Variants in DOCK9 observed in about 807,000 individuals in gnomAD.
DOCK9 encodes dedicator of cytokinesis protein 9.
Under a neutral mutation model 263.3 loss-of-function variants are expected in DOCK9, and 89 were observed. The observed-to-expected ratio is 0.34, with a 90% CI of 0.28 to 0.40. The LOEUF is 0.40. Ranked by LOEUF, DOCK9 falls within the 10% of genes least tolerant of loss-of-function variation. DOCK9 has a pLI of 1.00. For missense variants in DOCK9, 2,140 were observed against 2,603.4 expected (o/e 0.82, Z 3.87); for synonymous variants, 976 against 973.1 (o/e 1.00, Z -0.06).
At position 98,800,393 on chromosome 13, in the gene DOCK9, A is replaced by G; in HGVS notation, c.5811T>C (p.Ile1937=). ...CCGCCACCTTCTTACTCATCTCGTC[A>G]ATGGCCACCTCGATGGGGTTCAGGT... The part of the protein sequence containing the change: ...HTDLNPIEVA[I]DEMSKKVAEL... Residue 1937 remains isoleucine (I), a synonymous_variant, in exon 50 of 53, where the codon ATT becomes ATC. Coordinates refer to ENST00000682017, the MANE Select transcript of DOCK9 (RefSeq NM_001366683.2). 3 of 1,613,914 alleles carry G rather than the reference A, an allele frequency of 1.9e-6. No homozygotes were observed. Among genetic ancestry groups the G allele is most frequent in the Non-Finnish European group, 2.5e-6 (3 of 1,179,868 alleles).
upstream of DOCK9, among the ~76,000 whole-genome samples, chr13:98,979,567 G>A (rs1876584923): frequency 6.6e-6 from 1 of 152,068 alleles, no homozygotes; most frequent in African/African-American, 2.4e-5. Context: ...TATCAATTAT[G>A]TAACGATCTC....
intron 3 of DOCK9, among the ~76,000 whole-genome samples, chr13:98,927,606 C>T (rs2053189907): frequency 7.1e-6 from 1 of 140,866 alleles, no homozygotes; most frequent in African/African-American, 2.7e-5. Context: ...ATGAATGGAG[C>T]CCAGATTTTT....
intron 1 of DOCK9, among the ~76,000 whole-genome samples, chr13:99,047,336 G>A (rs539778290): frequency 1.4e-4 from 21 of 152,168 alleles, no homozygotes; most frequent in Non-Finnish European, 2.2e-4. Context: ...AGCTGCCATC[G>A]CAGCACATAA....
At position 98,895,054 on chromosome 13, in the gene DOCK9, G is replaced by A. The variant is rs189890430; in HGVS notation, c.1709+2434C>T. On this transcript the variant is annotated intron_variant, in intron 15 of 52. Coordinates refer to ENST00000682017, the MANE Select transcript of DOCK9 (RefSeq NM_001366683.2). ...CCAGCTACTCAGGAGGCTGAGGCAG[G>A]AGAATTGCTTGAACCTGGGAGGCGG... Among the ~76,000 whole-genome samples the A allele has an allele frequency of 3.9e-3, 582 of 150,954 alleles. 15 individuals are homozygous for A. The highest frequency in any genetic ancestry group is 2.3e-3 in the East Asian group (12 of 5,146).
chr13:98,851,723 T>C (rs2093578034), intron 35 of DOCK9, among the ~76,000 whole-genome samples: 1 of 152,166 alleles, frequency 6.6e-6, no homozygotes, highest in South Asian at 2.1e-4. Flanking sequence ...GTGTTAACCA[T>C]CTCTGGAGGC....
chr13:98,881,442 G>T, intron 25 of DOCK9, 116 bp downstream of exon 25: 1 of 789,916 alleles, frequency 1.3e-6, no homozygotes, highest in Non-Finnish European at 2.0e-6. Flanking sequence ...AAATAGAAGA[G>T]AAAGCATACG....
At position 98,805,061 on chromosome 13, in the gene DOCK9, G is replaced by C; in HGVS notation, c.5663C>G (p.Thr1888Arg). 1 of 1,612,026 alleles carries C rather than the reference G, an allele frequency of 6.2e-7. No homozygotes were observed. Among genetic ancestry groups the C allele is most frequent in the Non-Finnish European group, 8.5e-7 (1 of 1,179,032 alleles). ...IRRFMFEMPF[T>R]QTGKRQGGVE... ...CCCGCCCTGCCTCTTCCCGGTCTGCGTAAATGGCATCTCAAACATGAAGCG... is the reference window on the plus strand; with the variant it reads ...CCCGCCCTGCCTCTTCCCGGTCTGCCTAAATGGCATCTCAAACATGAAGCG... The change falls in exon 49 of 53, where the codon ACG (threonine) becomes AGG (arginine). Residue 1888 changes from threonine to arginine, a missense_variant. This residue lies in a region of DOCK9 where 619 missense variants were observed against 861.8 expected (regional missense o/e 0.72). Coordinates refer to ENST00000682017, the MANE Select transcript of DOCK9 (RefSeq NM_001366683.2).
At chr13:99,051,747 T>C (rs1311668698) in intron 1 of DOCK9, among the ~76,000 whole-genome samples, 2 of 149,694 alleles carry the variant, frequency 1.3e-5, no homozygotes, top group Non-Finnish European at 3.0e-5. Flanking sequence ...CAGACAAAAG[T>C]GGTCCCAATT....
At chr13:98,879,991 C>T in intron 26 of DOCK9, 22 bp from the exon 27 acceptor site, 1 of 1,575,766 alleles carries the variant, frequency 6.3e-7, no homozygotes, top group Non-Finnish European at 8.6e-7. Context: ...AAGAACAGGA[C>T]CCAGTAAGAA....
chr13:98,997,759 C>G (rs1271355754), intron 1 of DOCK9, among the ~76,000 whole-genome samples: 1 of 152,180 alleles, frequency 6.6e-6, no homozygotes, highest in African/African-American at 2.4e-5. Context: ...TCCAGTCACC[C>G]CCTGACTTTG....
At chr13:98,988,348 A>C (rs1450469664) in intron 1 of DOCK9, among the ~76,000 whole-genome samples, 1 of 152,254 alleles carries the variant, frequency 6.6e-6, no homozygotes, top group Non-Finnish European at 1.5e-5. Flanking sequence ...AAAACTTGAA[A>C]TAAAGATAGG....
chr13:98,964,093 A>T (rs1280177099), intron 1 of DOCK9, among the ~76,000 whole-genome samples: 1 of 152,232 alleles, frequency 6.6e-6, no homozygotes, highest in Non-Finnish European at 1.5e-5. Context: ...ACTGTGCCAG[A>T]GACATCAAGA....
chr13:98,986,792 A>C (rs956825860), intron 1 of DOCK9, among the ~76,000 whole-genome samples: 1 of 152,178 alleles, frequency 6.6e-6, no homozygotes, highest in Non-Finnish European at 1.5e-5. Flanking sequence ...CACACGTCCT[A>C]AGAAGTCAAA....
intron 1 of DOCK9, among the ~76,000 whole-genome samples, chr13:99,022,888 G>A (rs537246388): frequency 1.3e-4 from 20 of 152,290 alleles, no homozygotes; most frequent in African/African-American, 2.4e-4. Context: ...ATCGAAGGCC[G>A]CATTGAGCTA....
intron 1 of DOCK9, among the ~76,000 whole-genome samples, chr13:98,963,581 C>T (rs995343743): frequency 4.6e-5 from 7 of 152,202 alleles, no homozygotes; most frequent in Non-Finnish European, 1.0e-4. Context: ...GAGCTGAAAT[C>T]CCAAATGCCA....
At chr13:99,086,075 T>TC (rs1326857905) in intron 1 of DOCK9, 1 of 1,250,106 alleles carries the variant, frequency 8.0e-7, no homozygotes, top group East Asian at 3.3e-5. Context: ...TCCAACTCCC[T>TC]CCCGCCGGCC....
At chr13:99,088,524 A>G (rs1001348355), upstream of DOCK9, 24 of 152,374 alleles carry the variant, frequency 1.6e-4, no homozygotes, top group African/African-American at 5.8e-4. Flanking sequence ...ACCAGACAAC[A>G]CAAACTTTTC....
Position 98,942,658 on chromosome 13 carries a change from C to T in DOCK9, c.244-12401G>A, listed in dbSNP as rs188149583. Among the ~76,000 whole-genome samples the T allele has an allele frequency of 2.2e-4, 33 of 152,298 alleles. No individual in the cohort carries two copies. In the South Asian group the frequency reaches 4.4e-3, roughly 20 times the overall value. ...TCCATCACAGTTACGTGTTGCATAA[C>T]GCTAGAGATACATTCTGAGAAATGC... On this transcript the variant is annotated intron_variant, in intron 2 of 52. Coordinates refer to ENST00000682017, the MANE Select transcript of DOCK9 (RefSeq NM_001366683.2).
intron 1 of DOCK9, among the ~76,000 whole-genome samples, chr13:99,006,480 CA>C (rs1333956986): frequency 6.6e-6 from 1 of 152,152 alleles, no homozygotes; most frequent in Non-Finnish European, 1.5e-5. Flanking sequence ...AATTCCCGTA[CA>C]TATATTACAA....
Sources: allele counts gnomAD v4.1 joint callset (sites outside exome capture counted in the v4.1 genomes callset), GRCh38; gene constraint gnomAD v4.1.1; regional missense constraint gnomAD v4.1.1; transcripts MANE v1.5; gene names NCBI Gene and HGNC (gene_info 2026-07-23, HGNC 2026-07-21).